Variants in RANBP2 observed in about 807,000 individuals in gnomAD.
The protein encoded by RANBP2 is RAN binding protein 2.
A neutral mutation model predicts 303.6 loss-of-function variants in RANBP2; 57 were observed. That is an observed-to-expected ratio of 0.19 (90% confidence interval 0.15 to 0.23). The LOEUF is 0.23. Ranked by LOEUF, RANBP2 falls within the 10% of genes least tolerant of loss-of-function variation. The pLI, the probability that RANBP2 is intolerant of heterozygous loss-of-function variation, is 1.00. For missense variants in RANBP2, 3,138 were observed against 3,780.8 expected, an observed-to-expected ratio of 0.83 and a Z score of 4.46; for synonymous variants, 1,167 against 1,301.5, an observed-to-expected ratio of 0.90 and a Z score of 2.23.
At chr2:109,529,576 C>A in the RANBP2 span, among the ~76,000 whole-genome samples, 1 of 152,160 alleles carries the variant, frequency 6.6e-6, no homozygotes, top group Non-Finnish European at 1.5e-5. Context: ...GTAACAGCTG[C>A]AGAAAACAGT....
Position 108,751,929 on chromosome 2 carries a change from G to A in RANBP2, c.1690G>A (p.Ala564Thr), listed in dbSNP as rs1675915650. The A allele has an allele frequency of 1.9e-6, 3 of 1,611,788 alleles. No homozygotes were observed. The highest frequency in any genetic ancestry group is 1.3e-5 in the African/African-American group (1 of 74,820). Reference sequence around the variant, plus strand: ...TCAGCATGAAATAAACACTCTAAGAGCCCAGGAAAAACATGGCCTTCAACC... The same window carrying A: ...TCAGCATGAAATAAACACTCTAAGAACCCAGGAAAAACATGGCCTTCAACC... ...LVQHEINTLR[A>T]QEKHGLQPAL... The change falls in exon 12 of 29, where the codon GCC becomes ACC. Residue 564 changes from alanine (A) to threonine (T), a missense_variant. Physicochemically the swap from Ala to Thr is moderately conservative, Grantham distance 58. Coordinates refer to ENST00000283195, the MANE Select transcript of RANBP2 (RefSeq NM_006267.5).
the RANBP2 span, chr2:109,437,264 C>A: frequency 7.1e-7 from 1 of 1,415,980 alleles, no homozygotes; most frequent in Non-Finnish European, 9.4e-7. Flanking sequence ...GTGGCAGCTT[C>A]ATGGCAGCTG....
the RANBP2 span, among the ~76,000 whole-genome samples, chr2:109,131,771 A>G: frequency 6.6e-6 from 1 of 152,184 alleles, no homozygotes; most frequent in African/African-American, 2.4e-5. Context: ...TACTCACCAT[A>G]TGTTGAGACC....
the RANBP2 span, among the ~76,000 whole-genome samples, chr2:109,467,839 C>A: frequency 1.3e-5 from 2 of 152,172 alleles, no homozygotes; most frequent in Admixed American, 6.5e-5. Context: ...AGGAACAGAG[C>A]CAGGCTGAGC....
In RANBP2 at chr2:108,763,785, T is replaced by G; in HGVS notation, c.3246T>G (p.Ser1082Arg). The G allele has an allele frequency of 2.5e-6, 4 of 1,614,080 alleles. No individual in the cohort carries two copies. Among genetic ancestry groups the G allele is most frequent in the Non-Finnish European group, 3.4e-6 (4 of 1,179,982 alleles). The change falls in exon 20 of 29, where the codon AGT (serine) becomes AGG (arginine). Residue 1082 changes from serine (S) to arginine (R), a missense_variant. By Grantham distance (110) the Ser-to-Arg change is moderately radical. This residue lies in a region of RANBP2 where 403 missense variants were observed against 376.7 expected (regional missense o/e 1.07). Coordinates refer to ENST00000283195, the MANE Select transcript of RANBP2 (RefSeq NM_006267.5). The stretch of plus-strand genomic sequence containing the variant: ...AACCCTTGCAAGGAGATGGCTATAG[T>G]GGAGCCAAACCAATTCCTGGTGGTC... ...SDKPLQGDGY[S>R]GAKPIPGGQT...
chr2:109,633,775 A>G, the RANBP2 span, among the ~76,000 whole-genome samples: 1 of 152,194 alleles, frequency 6.6e-6, no homozygotes, highest in Non-Finnish European at 1.5e-5. Flanking sequence ...TGAAATGAGC[A>G]TAGGTCATTG....
chr2:109,553,726 C>T, the RANBP2 span, among the ~76,000 whole-genome samples: 6 of 149,520 alleles, frequency 4.0e-5, no homozygotes, highest in African/African-American at 7.4e-5. Context: ...TGGTGGCGTG[C>T]GCCTGTAGTC....
the RANBP2 span, among the ~76,000 whole-genome samples, chr2:109,423,173 C>A: frequency 6.6e-6 from 1 of 151,990 alleles, no homozygotes; most frequent in African/African-American, 2.4e-5. Flanking sequence ...ATCCAGGAGC[C>A]CAGAGAAAGA....
At chr2:109,135,993 C>T in the RANBP2 span, among the ~76,000 whole-genome samples, 9 of 152,292 alleles carry the variant, frequency 5.9e-5, no homozygotes, top group South Asian at 1.5e-3. Context: ...CTCCGTCATC[C>T]GTAGGACACA....
chr2:108,934,475 A>T, the RANBP2 span, among the ~76,000 whole-genome samples: 1 of 152,198 alleles, frequency 6.6e-6, no homozygotes, highest in South Asian at 2.1e-4. Context: ...CTGAGCTCCC[A>T]TATTTGTGAC....
the RANBP2 span, among the ~76,000 whole-genome samples, chr2:109,098,587 C>T: frequency 6.6e-6 from 1 of 152,214 alleles, no homozygotes; most frequent in Non-Finnish European, 1.5e-5. Flanking sequence ...CTTTCTTCAA[C>T]CCTTTGTCTG....
At chr2:108,752,712 G>A (rs1675996695) in intron 12 of RANBP2, among the ~76,000 whole-genome samples, 1 of 151,274 alleles carries the variant, frequency 6.6e-6, no homozygotes, top group South Asian at 2.1e-4. Context: ...AGAATGGTGT[G>A]AACCCAGGAG....
the RANBP2 span, among the ~76,000 whole-genome samples, chr2:109,125,079 G>A: frequency 6.6e-6 from 1 of 152,244 alleles, no homozygotes; most frequent in Non-Finnish European, 1.5e-5. Flanking sequence ...CTACAGTCCA[G>A]GCTCACCAGG....
Position 108,754,084 on chromosome 2 carries a change from A to G in RANBP2, c.2202+113A>G, listed in dbSNP as rs534272972. 5.2e-4 allele frequency: 828 copies of G among 1,605,306 alleles called. 1 individual carries two copies. In the Middle Eastern group the frequency reaches 6.1e-3, roughly 12 times the overall value. Reference sequence around the variant, plus strand: ...AAATACTCAGTAATATGTTGTTATTAATGCACAGAAGGGATATGTGTGTCT... The same window carrying G: ...AAATACTCAGTAATATGTTGTTATTGATGCACAGAAGGGATATGTGTGTCT... On this transcript the variant is annotated intron_variant, in intron 15 of 28. Transcript: ENST00000283195.
At chr2:109,233,281 G>A in the RANBP2 span, among the ~76,000 whole-genome samples, 1 of 152,192 alleles carries the variant, frequency 6.6e-6, no homozygotes, top group African/African-American at 2.4e-5. Flanking sequence ...TGCAGAGGTT[G>A]TATTGAGTGA....
intron 1 of RANBP2, among the ~76,000 whole-genome samples, chr2:108,726,964 C>A (rs1439092393): frequency 6.6e-6 from 1 of 152,174 alleles, no homozygotes; most frequent in Non-Finnish European, 1.5e-5. Context: ...GGTCACAGAT[C>A]AACAAGATCC....
the RANBP2 span, among the ~76,000 whole-genome samples, chr2:109,114,330 G>C: frequency 6.6e-6 from 1 of 152,218 alleles, no homozygotes; most frequent in Non-Finnish European, 1.5e-5. Flanking sequence ...GGTCTATTCA[G>C]AGATTTAACT....
chr2:109,132,238 C>G, the RANBP2 span, among the ~76,000 whole-genome samples: 1 of 152,056 alleles, frequency 6.6e-6, no homozygotes, highest in African/African-American at 2.4e-5. Flanking sequence ...TTCTTTTGGG[C>G]CAATTAGGGT....
At chr2:108,770,728 TTTAAC>T (rs750177455) in intron 20 of RANBP2, among the ~76,000 whole-genome samples, 2 of 152,218 alleles carry the variant, frequency 1.3e-5, no homozygotes, top group South Asian at 2.1e-4. Context: ...ATAGATTTGA[TTTAAC>T]TTATGTCCAA....
Sources: gnomAD v4.1 joint callset for allele counts (sites outside exome capture counted in the v4.1 genomes callset) on GRCh38, gnomAD v4.1.1 for gene constraint, gnomAD v4.1.1 regional missense constraint, MANE v1.5 for transcripts, NCBI Gene and HGNC (gene_info 2026-07-23, HGNC 2026-07-21) for gene names.